The following SEPTIN9 variants were observed in gnomAD, a reference collection of about 807,000 sequenced individuals.
The protein encoded by SEPTIN9 is septin-9.
SEPTIN9 carries 13 observed loss-of-function variants against 56.6 expected under a neutral mutation model. The observed-to-expected ratio is 0.23, with a 90% CI of 0.15 to 0.37. The LOEUF is 0.37. SEPTIN9 is among the 10% of genes least tolerant of loss of function. The probability of loss-of-function intolerance (pLI) is 1.00; values close to 1 mark genes in which losing one functional copy is unlikely to be tolerated. For missense variants in SEPTIN9, 650 were observed against 823.1 expected (o/e 0.79, Z 2.57); for synonymous variants, 332 against 334.1 (o/e 0.99, Z 0.07).
Position 77,492,064 on chromosome 17 carries a change from A to G in SEPTIN9, c.1381-557A>G, listed in dbSNP as rs893996674. Among the ~76,000 whole-genome samples the G allele has an allele frequency of 3.9e-5, 6 of 152,132 alleles. No individual in the cohort carries two copies. Among genetic ancestry groups the G allele is most frequent in the Non-Finnish European group, 8.8e-5 (6 of 68,026 alleles). On this transcript the variant is annotated intron_variant, in intron 8 of 11. Transcript: ENST00000427177. The surrounding 1 kb of genome is among the most constrained non-coding windows in gnomAD (Gnocchi z 5.4). ...CTGTAACCTACTCCGTCCTGGGGCC[A>G]GGTGTCAGGGACCTTCCCAGCATGT...
In SEPTIN9 at chr17:77,384,842, A is replaced by AACACACACACAC. The variant is rs146495461; in HGVS notation, c.77-17182_77-17171dup. On this transcript the variant is annotated intron_variant, in intron 2 of 11. Coordinates refer to ENST00000427177, the MANE Select transcript of SEPTIN9 (RefSeq NM_001113491.2). ...CATCATCACTGTATGAACCTGTTTA[A>AACACACACACAC]ACACACACACACACACACACACACA... is the stretch of plus-strand genomic sequence containing the variant. 1.6e-3 allele frequency among the ~76,000 whole-genome samples: 224 copies of AACACACACACAC among 142,254 alleles called. 2 individuals carry two copies. The highest frequency in any genetic ancestry group is 4.0e-3 in the African/African-American group (150 of 37,792). The allele number at this position is 142,254 out of a possible 152,430, so 93.3% of individuals were successfully genotyped here.
At chr17:77,474,608 T>G (rs1452609708) in intron 3 of SEPTIN9, among the ~76,000 whole-genome samples, 1 of 152,192 alleles carries the variant, frequency 6.6e-6, no homozygotes, top group African/African-American at 2.4e-5. Context: ...CTGCACCTTC[T>G]GGGTCCTGGC....
Position 77,492,971 on chromosome 17 carries a change from G to C in SEPTIN9, c.1477-9G>C, listed in dbSNP as rs145143440. The C allele has an allele frequency of 2.9e-5, 46 of 1,560,594 alleles. No homozygotes were observed. Among genetic ancestry groups the C allele is most frequent in the Non-Finnish European group, 3.7e-5 (43 of 1,152,302 alleles). On this transcript the variant is annotated splice_polypyrimidine_tract_variant and intron_variant, in intron 9 of 11. Coordinates refer to ENST00000427177, the MANE Select transcript of SEPTIN9 (RefSeq NM_001113491.2). This position sits in a 1 kb window ranked among gnomAD's most constrained non-coding sequence, Gnocchi z 5.4. ...CATGTGTAACCAATACCGTCTGCCC[G>C]TTCCCCAGGAGATGATCCCATTTGC...
chr17:77,461,741 T>C (rs1237540160), intron 3 of SEPTIN9, among the ~76,000 whole-genome samples: 1 of 152,228 alleles, frequency 6.6e-6, no homozygotes, highest in Non-Finnish European at 1.5e-5. Flanking sequence ...AGAGATTTAT[T>C]ATTATGAGGA....
chr17:77,474,827 T>C lies in SEPTIN9; in HGVS notation c.722-7317T>C, dbSNP rs146011926. ...CAATAACAGTGGCTACCTTATAGGA[T>C]TGTGTGATGATCCATCAGTTATAAT... On this transcript the variant is annotated intron_variant, in intron 3 of 11. Transcript: ENST00000427177. Among the ~76,000 whole-genome samples the C allele has an allele frequency of 3.7e-4, 56 of 152,220 alleles. 1 individual carries two copies. The East Asian group carries it at 0.01, about 27-fold the overall frequency.
At chr17:77,462,217 C>G (rs1029296248) in intron 3 of SEPTIN9, among the ~76,000 whole-genome samples, 2 of 152,176 alleles carry the variant, frequency 1.3e-5, no homozygotes, top group Non-Finnish European at 2.9e-5. Flanking sequence ...AATGAAGACC[C>G]AGAGAAACCG....
rs1403680129 is a variant in SEPTIN9, at chr17:77,371,749, G to A, written c.77-30310G>A. 2.6e-5 allele frequency among the ~76,000 whole-genome samples: 4 copies of A among 152,194 alleles called. No individual in the cohort carries two copies. The highest frequency in any genetic ancestry group is 1.3e-4 in the Admixed American group (2 of 15,288). On this transcript the variant is annotated intron_variant, in intron 2 of 11. Coordinates refer to ENST00000427177, the MANE Select transcript of SEPTIN9 (RefSeq NM_001113491.2). The surrounding 1 kb of genome is among the most constrained non-coding windows in gnomAD (Gnocchi z 4.1). ...TTTCTGAAACCCGGGCTCCCAGGCC[G>A]ACGAGGGTGTGCACGCATCTGAAAT... is the stretch of plus-strand genomic sequence containing the variant.
rs898809817 is a variant in SEPTIN9, at chr17:77,449,993, C to T, written c.722-32151C>T. On this transcript the variant is annotated intron_variant, in intron 3 of 11. Coordinates refer to ENST00000427177, the MANE Select transcript of SEPTIN9 (RefSeq NM_001113491.2). This position sits in a 1 kb window ranked among gnomAD's most constrained non-coding sequence, Gnocchi z 4.6. ...CCCAGGTCTCTGATCTGCCACCAGC[C>T]TCCCTCCCATTCAGATGGGAACAGG... is the stretch of plus-strand genomic sequence containing the variant. Among the ~76,000 whole-genome samples, 1 of 152,180 alleles carries T rather than the reference C, an allele frequency of 6.6e-6. No individual in the cohort carries two copies. The highest frequency in any genetic ancestry group is 1.5e-5 in the Non-Finnish European group (1 of 68,042).
At chr17:77,409,488 T>C (rs908162084) in intron 3 of SEPTIN9, among the ~76,000 whole-genome samples, 1 of 126,330 alleles carries the variant, frequency 7.9e-6, no homozygotes, top group Non-Finnish European at 1.8e-5. Flanking sequence ...TGGAATACCT[T>C]AAATAGAGCG....
At chr17:77,324,968 G>A (rs1848409) in intron 2 of SEPTIN9, among the ~76,000 whole-genome samples, 94,322 of 151,400 alleles carry the variant, frequency 0.62, 29,893 homozygotes, top group Middle Eastern at 0.74. Flanking sequence ...ACAGGCACCC[G>A]CCACCACACC....
intron 3 of SEPTIN9, among the ~76,000 whole-genome samples, chr17:77,420,679 C>T (rs920419904): frequency 6.6e-6 from 1 of 152,158 alleles, no homozygotes; most frequent in Admixed American, 6.5e-5. Context: ...ATCTGTCTCC[C>T]ACCCTCTCCC....
chr17:77,403,714 C>G (rs2035976700), intron 3 of SEPTIN9, among the ~76,000 whole-genome samples: 1 of 152,208 alleles, frequency 6.6e-6, no homozygotes, highest in Admixed American at 6.5e-5. Flanking sequence ...TTAGGTTGGA[C>G]AAACAGCACA....
Position 77,326,862 on chromosome 17 carries a change from G to T in SEPTIN9, c.76+19665G>T, listed in dbSNP as rs1470235860. Among the ~76,000 whole-genome samples, 1 of 152,034 alleles carries T rather than the reference G, an allele frequency of 6.6e-6. No individual in the cohort carries two copies. Among genetic ancestry groups the T allele is most frequent in the Non-Finnish European group, 1.5e-5 (1 of 68,010 alleles). On this transcript the variant is annotated intron_variant, in intron 2 of 11. Transcript: ENST00000427177. This position sits in a 1 kb window ranked among gnomAD's most constrained non-coding sequence, Gnocchi z 5.1. ...ATTGAATCAATCATGCCTTCGTAAT[G>T]AGGCCTCCGTGAACACTCAGAAGGA...
At position 77,437,876 on chromosome 17, in the gene SEPTIN9, G is replaced by A. The variant is rs1229128164; in HGVS notation, c.721+35173G>A. ...GAAGCTTCTCCCTGGCCCCAGGCCA[G>A]AGGTGACAGTGGGGGCCCCTTGCTT... is the stretch of plus-strand genomic sequence containing the variant. On this transcript the variant is annotated intron_variant, in intron 3 of 11. Transcript: ENST00000427177. The surrounding 1 kb of genome is among the most constrained non-coding windows in gnomAD (Gnocchi z 5.3). Among the ~76,000 whole-genome samples the A allele has an allele frequency of 6.6e-6, 1 of 151,988 alleles. No homozygotes were observed. Among genetic ancestry groups the A allele is most frequent in the Non-Finnish European group, 1.5e-5 (1 of 67,828 alleles).
At chr17:77,359,634 A>G (rs2034353301) in intron 2 of SEPTIN9, among the ~76,000 whole-genome samples, 1 of 152,040 alleles carries the variant, frequency 6.6e-6, no homozygotes, top group East Asian at 1.9e-4. Flanking sequence ...CTCTGCAAAA[A>G]AATATAAAAT....
chr17:77,380,271 A>ATGCCCGCCCCCCCCCCCC (rs1285624142), intron 2 of SEPTIN9: 1 of 4,282 alleles, frequency 2.3e-4, no homozygotes. Flanking sequence ...CCCCCCCCCC[A>ATGCCCGCCCCCCCCCCCC]CCCATGCCTG....
rs2032462807 is a variant in SEPTIN9, at chr17:77,310,805, C to A, written c.76+3608C>A. Among the ~76,000 whole-genome samples the A allele has an allele frequency of 6.6e-6, 1 of 152,182 alleles. No homozygotes were observed. The highest frequency in any genetic ancestry group is 2.4e-5 in the African/African-American group (1 of 41,442). On this transcript the variant is annotated intron_variant, in intron 2 of 11. Transcript: ENST00000427177. This position sits in a 1 kb window ranked among gnomAD's most constrained non-coding sequence, Gnocchi z 4.7. Reference sequence around the variant, plus strand: ...CTCAGTGGTGCCTGAGCTTCCCTCCCTCTGGCCCTCAGACCCCGGCTGGGA... The same window carrying A: ...CTCAGTGGTGCCTGAGCTTCCCTCCATCTGGCCCTCAGACCCCGGCTGGGA...
chr17:77,409,864 C>T (rs759869394), intron 3 of SEPTIN9, among the ~76,000 whole-genome samples: 5 of 152,200 alleles, frequency 3.3e-5, no homozygotes, highest in Non-Finnish European at 5.9e-5. Context: ...CTCCCCGCCT[C>T]GGGGCCCAAA....
chr17:77,311,783 C>T (rs2032502936), intron 2 of SEPTIN9, among the ~76,000 whole-genome samples: 1 of 152,206 alleles, frequency 6.6e-6, no homozygotes, highest in African/African-American at 2.4e-5. Flanking sequence ...GCCCCATGCC[C>T]AGCCATGCAG....
Sources: allele counts gnomAD v4.1 joint callset (sites outside exome capture counted in the v4.1 genomes callset), GRCh38; gene constraint gnomAD v4.1.1; non-coding constraint Gnocchi (gnomAD v3.1); transcripts MANE v1.5; gene names NCBI Gene and HGNC (gene_info 2026-07-23, HGNC 2026-07-21).